Variants in CPQ observed in about 807,000 individuals in gnomAD.
The protein encoded by CPQ is carboxypeptidase Q.
CPQ carries 37 observed loss-of-function variants against 45.7 expected under a neutral mutation model. That is an observed-to-expected ratio of 0.81 (90% confidence interval 0.62 to 1.07). The LOEUF (loss-of-function observed/expected upper bound fraction) is 1.07, where lower values mean the gene tolerates loss of function less well. Among genes scored for constraint, CPQ ranks in the 50% least tolerant of loss-of-function variants. The pLI, the probability that CPQ is intolerant of heterozygous loss-of-function variation, is 0.00. For synonymous variants in CPQ, 186 were observed against 205.8 expected, an observed-to-expected ratio of 0.90 and a Z score of 0.82; for missense variants, 537 against 572.9, an observed-to-expected ratio of 0.94 and a Z score of 0.64.
In CPQ at chr8:96,816,057, G is replaced by A. The variant is rs181545745; in HGVS notation, c.434-18916G>A. Among the ~76,000 whole-genome samples, 356 of 152,208 alleles carry A rather than the reference G, an allele frequency of 2.3e-3. 2 individuals are homozygous for A. Among genetic ancestry groups the A allele is most frequent in the Non-Finnish European group, 4.3e-3 (291 of 67,990 alleles). ...CAATTTCTTAAAATAAGACAACAAT[G>A]AAGTTTGCTGCAATGAATGATATTT... On this transcript the variant is annotated intron_variant, in intron 2 of 7. Coordinates refer to ENST00000220763, the MANE Select transcript of CPQ (RefSeq NM_016134.4).
chr8:96,939,788 G>A (rs1400378994), intron 4 of CPQ, among the ~76,000 whole-genome samples: 1 of 152,040 alleles, frequency 6.6e-6, no homozygotes, highest in Admixed American at 6.6e-5. Flanking sequence ...TTTTGTCCGT[G>A]TCTCCTGGCA....
intron 3 of CPQ, among the ~76,000 whole-genome samples, chr8:96,841,321 T>C (rs760514856): frequency 1.3e-5 from 2 of 152,202 alleles, no homozygotes; most frequent in Non-Finnish European, 2.9e-5. Flanking sequence ...AGTTTAAAAT[T>C]CTAGGCTGGC....
At chr8:96,893,558 C>T (rs1433313695) in intron 4 of CPQ, among the ~76,000 whole-genome samples, 2 of 152,032 alleles carry the variant, frequency 1.3e-5, no homozygotes, top group South Asian at 2.1e-4. Flanking sequence ...CACATAATCC[C>T]AACAATAGGA....
chr8:96,794,328 C>A (rs1210141494), intron 2 of CPQ, among the ~76,000 whole-genome samples: 2 of 152,210 alleles, frequency 1.3e-5, no homozygotes, highest in Non-Finnish European at 2.9e-5. Flanking sequence ...AGGCGTGAGG[C>A]TTGTGCCCTC....
At position 97,122,913 on chromosome 8, in the gene CPQ, A is replaced by AAAAT. The variant is rs1563586713; in HGVS notation, c.1256-20103_1256-20100dup. Among the ~76,000 whole-genome samples the AAAAT allele has an allele frequency of 5.0e-4, 45 of 89,154 alleles. 1 individual carries two copies. The highest frequency in any genetic ancestry group is 2.4e-3 in the East Asian group (6 of 2,552). The allele number at this position is 89,154 out of a possible 152,430, so 58.5% of individuals were successfully genotyped here. On this transcript the variant is annotated intron_variant, in intron 7 of 7. Transcript: ENST00000220763. ...AAAATAAAATAAAATAAAATAAAATAAAATAAAATAAAATAAATAAAATAA... is the reference window on the plus strand; with the variant it reads ...AAAATAAAATAAAATAAAATAAAATAAAATAAATAAAATAAAATAAATAAAATAA...
At chr8:96,820,186 C>T (rs1178255149) in intron 2 of CPQ, among the ~76,000 whole-genome samples, 1 of 151,958 alleles carries the variant, frequency 6.6e-6, no homozygotes, top group African/African-American at 2.4e-5. Context: ...AATGAGTTAT[C>T]GATCTGTAGG....
Position 97,065,016 on chromosome 8 carries a change from T to C in CPQ, c.1054-993T>C, listed in dbSNP as rs376950289. Among the ~76,000 whole-genome samples, 22 of 152,116 alleles carry C rather than the reference T, an allele frequency of 1.4e-4. No individual in the cohort carries two copies. In the East Asian group the frequency reaches 1.5e-3, roughly 11 times the overall value. On this transcript the variant is annotated intron_variant, in intron 6 of 7. Coordinates refer to ENST00000220763, the MANE Select transcript of CPQ (RefSeq NM_016134.4). Reference sequence around the variant, plus strand: ...AGTTGCCAAAGAACACCAAAGGAGATTGCAAATGTGAAAGCTCTCTGGACG... The same window carrying C: ...AGTTGCCAAAGAACACCAAAGGAGACTGCAAATGTGAAAGCTCTCTGGACG...
intron 7 of CPQ, among the ~76,000 whole-genome samples, chr8:97,078,912 C>A (rs150327395): frequency 1.5e-3 from 229 of 152,114 alleles, no homozygotes; most frequent in African/African-American, 5.1e-3. Context: ...ATCTTCCCAC[C>A]TCAGCCTCCC....
intron 4 of CPQ, among the ~76,000 whole-genome samples, chr8:96,955,224 A>T (rs1269716479): frequency 1.3e-5 from 2 of 152,154 alleles, no homozygotes; most frequent in African/African-American, 4.8e-5. Context: ...ACAGTGTAAA[A>T]GTGTTCCTCT....
At chr8:96,779,335 G>A (rs1810657440) in intron 1 of CPQ, among the ~76,000 whole-genome samples, 4 of 151,960 alleles carry the variant, frequency 2.6e-5, no homozygotes, top group Admixed American at 2.6e-4. Flanking sequence ...GCATGAGAAT[G>A]TTTGAGTATA....
intron 3 of CPQ, among the ~76,000 whole-genome samples, chr8:96,862,458 AAAAT>A (rs765055788): frequency 6.6e-6 from 1 of 152,006 alleles, no homozygotes; most frequent in Non-Finnish European, 1.5e-5. Context: ...TGTGTTAGAT[AAAAT>A]AAAAAAAATA....
At chr8:96,959,890 G>A (rs1011629419) in intron 4 of CPQ, among the ~76,000 whole-genome samples, 50 of 46,564 alleles carry the variant, frequency 1.1e-3, no homozygotes, top group African/African-American at 3.7e-3. Flanking sequence ...AATCACAAAA[G>A]CAAAAAAAAA....
intron 5 of CPQ, among the ~76,000 whole-genome samples, chr8:96,984,354 C>T (rs1444061664): frequency 1.3e-5 from 2 of 152,164 alleles, no homozygotes; most frequent in East Asian, 3.8e-4. Context: ...CTCAATGCAA[C>T]AGTGTGGGGA....
intron 3 of CPQ, among the ~76,000 whole-genome samples, chr8:96,848,778 A>T (rs1811732574): frequency 6.6e-6 from 1 of 152,212 alleles, no homozygotes; most frequent in African/African-American, 2.4e-5. Context: ...TATAGTGACA[A>T]TGAATGAACA....
chr8:96,908,107 C>T (rs971319617), intron 4 of CPQ, among the ~76,000 whole-genome samples: 1 of 145,708 alleles, frequency 6.9e-6, no homozygotes, highest in African/African-American at 2.5e-5. Context: ...CCCACTGCAA[C>T]GTGTGTGTGT....
intron 1 of CPQ, among the ~76,000 whole-genome samples, chr8:96,659,948 A>G (rs960766252): frequency 6.6e-6 from 1 of 152,206 alleles, no homozygotes; most frequent in Non-Finnish European, 1.5e-5. Flanking sequence ...AAGTTGGATC[A>G]TGTTACTTCC....
intron 4 of CPQ, among the ~76,000 whole-genome samples, chr8:96,913,447 G>A (rs1209031662): frequency 6.6e-6 from 1 of 152,194 alleles, no homozygotes; most frequent in African/African-American, 2.4e-5. Context: ...AAATGAAAGT[G>A]AGAGGCAGGG....
chr8:96,712,057 A>T (rs1809614363), intron 1 of CPQ, among the ~76,000 whole-genome samples: 1 of 152,172 alleles, frequency 6.6e-6, no homozygotes, highest in African/African-American at 2.4e-5. Context: ...AACAAAGGGG[A>T]TACAACCCCT....
At chr8:97,019,230 C>T (rs765236811) in intron 5 of CPQ, among the ~76,000 whole-genome samples, 2 of 152,160 alleles carry the variant, frequency 1.3e-5, no homozygotes, top group Non-Finnish European at 2.9e-5. Flanking sequence ...CTAAAAGGAG[C>T]TCTAAATCTT....
Sources: allele counts gnomAD v4.1 joint callset (sites outside exome capture counted in the v4.1 genomes callset), GRCh38; gene constraint gnomAD v4.1.1; transcripts MANE v1.5; gene names NCBI Gene and HGNC (gene_info 2026-07-23, HGNC 2026-07-21).